Variants in SMYD3 observed in about 807,000 individuals in gnomAD.
The protein encoded by SMYD3 is SET and MYND domain containing 3, also known as histone-lysine N-methyltransferase SMYD3.
A neutral mutation model predicts 57.7 loss-of-function variants in SMYD3; 36 were observed. The ratio of observed to expected loss-of-function variants is 0.62; its 90% CI spans 0.48 to 0.82. SMYD3 has a LOEUF of 0.82. Ranked by LOEUF, SMYD3 falls within the 40% of genes least tolerant of loss-of-function variation. The pLI, the probability that SMYD3 is intolerant of heterozygous loss-of-function variation, is 0.00. For missense variants in SMYD3, 515 were observed against 538.8 expected (o/e 0.96, Z 0.44); for synonymous variants, 211 against 195.0 (o/e 1.08, Z -0.68).
intron 9 of SMYD3, among the ~76,000 whole-genome samples, chr1:245,860,537 A>G (rs1425188987): frequency 6.6e-6 from 1 of 152,194 alleles, no homozygotes; most frequent in African/African-American, 2.4e-5. Flanking sequence ...CTTGATGAGA[A>G]TTTAAAGCAC....
chr1:246,111,453 T>C (rs564003600), intron 5 of SMYD3: 7 of 152,324 alleles, frequency 4.6e-5, no homozygotes, highest in South Asian at 2.1e-4. Context: ...CAGACTTGAG[T>C]GCAGTCTAAA....
At chr1:245,876,167 T>G (rs180950852) in intron 8 of SMYD3, among the ~76,000 whole-genome samples, 1 of 152,184 alleles carries the variant, frequency 6.6e-6, no homozygotes, top group Admixed American at 6.5e-5. Context: ...GAATATGCTT[T>G]AAGGGATACT....
At chr1:245,824,055 C>T (rs1435644456) in intron 10 of SMYD3, among the ~76,000 whole-genome samples, 1 of 152,188 alleles carries the variant, frequency 6.6e-6, no homozygotes, top group Admixed American at 6.5e-5. Flanking sequence ...TCCTCCCCTA[C>T]TCACGACTGG....
chr1:246,067,837 G>C (rs866313050), intron 5 of SMYD3, among the ~76,000 whole-genome samples: 3 of 152,174 alleles, frequency 2.0e-5, no homozygotes, highest in African/African-American at 7.2e-5. Flanking sequence ...TGTGCACCAA[G>C]GCCGGGAGAG....
intron 5 of SMYD3, among the ~76,000 whole-genome samples, chr1:246,073,935 A>G (rs2060500828): frequency 6.6e-6 from 1 of 152,188 alleles, no homozygotes; most frequent in Admixed American, 6.5e-5. Context: ...CTAAGAAGAA[A>G]TCAAGTGTAA....
At chr1:246,219,396 C>T (rs1014793343) in intron 5 of SMYD3, among the ~76,000 whole-genome samples, 5 of 152,048 alleles carry the variant, frequency 3.3e-5, no homozygotes, top group Admixed American at 6.5e-5. Flanking sequence ...CAGAGATGAC[C>T]GCATTTCACA....
intron 5 of SMYD3, among the ~76,000 whole-genome samples, chr1:246,091,277 G>A (rs748036172): frequency 2.0e-5 from 3 of 152,126 alleles, no homozygotes; most frequent in Non-Finnish European, 2.9e-5. Context: ...AGGATTTCTG[G>A]CTGGGGCTAC....
At chr1:245,851,501 G>T (rs1007662911) in intron 10 of SMYD3, among the ~76,000 whole-genome samples, 1 of 152,080 alleles carries the variant, frequency 6.6e-6, no homozygotes, top group East Asian at 1.9e-4. Flanking sequence ...GTCTCCTACC[G>T]GCCAAGGCAT....
At chr1:246,346,571 A>G (rs1558414914) in intron 2 of SMYD3, among the ~76,000 whole-genome samples, 1 of 152,170 alleles carries the variant, frequency 6.6e-6, no homozygotes, top group Non-Finnish European at 1.5e-5. Context: ...CCTTCTTCAT[A>G]TGGCAGCAGG....
intron 5 of SMYD3, among the ~76,000 whole-genome samples, chr1:246,301,651 A>G (rs561081316): frequency 6.6e-6 from 1 of 152,158 alleles, no homozygotes; most frequent in Non-Finnish European, 1.5e-5. Flanking sequence ...CATTTCTGAC[A>G]TCTCCTAAGC....
At chr1:246,106,954 C>T (rs756911022) in intron 5 of SMYD3, among the ~76,000 whole-genome samples, 4 of 151,936 alleles carry the variant, frequency 2.6e-5, no homozygotes, top group Non-Finnish European at 5.9e-5. Flanking sequence ...TTGGTGTGAA[C>T]GTGAAAAAAG....
At chr1:246,189,003 G>T (rs7533294) in intron 5 of SMYD3, 63,609 of 151,208 alleles carry the variant, frequency 0.42, 15,723 homozygotes, top group African/African-American at 0.69. Flanking sequence ...GCCATTGTGT[G>T]TGTTTATGTT....
intron 10 of SMYD3, among the ~76,000 whole-genome samples, chr1:245,838,759 T>C (rs1019070493): frequency 6.6e-6 from 1 of 152,322 alleles, no homozygotes; most frequent in Non-Finnish European, 1.5e-5. Context: ...TAAATGTACA[T>C]CTCAAACTAT....
chr1:246,160,680 G>A (rs1437306047), intron 5 of SMYD3, among the ~76,000 whole-genome samples: 3 of 152,190 alleles, frequency 2.0e-5, no homozygotes, highest in Non-Finnish European at 4.4e-5. Context: ...AACCCCACAT[G>A]ACGTCTCTCA....
At chr1:245,976,957 T>TAGGGAAAGCCATCGTCTCTGGCCC (rs2058449514) in intron 5 of SMYD3, among the ~76,000 whole-genome samples, 1 of 21,252 alleles carries the variant, frequency 4.7e-5, no homozygotes, top group Non-Finnish European at 1.0e-4. Context: ...GTCTCTAGCC[T>TAGGGAAAGCCATCGTCTCTGGCCC]AGGGAAAGCC....
chr1:245,762,278 T>C (rs917333355), intron 11 of SMYD3, among the ~76,000 whole-genome samples: 1 of 152,184 alleles, frequency 6.6e-6, no homozygotes, highest in Non-Finnish European at 1.5e-5. Context: ...TCATGGGGAC[T>C]GAGTATGATC....
At position 246,185,676 on chromosome 1, in the gene SMYD3, T is replaced by C. The variant is rs146976363; in HGVS notation, c.531+141525A>G. Among the ~76,000 whole-genome samples the C allele has an allele frequency of 1.8e-3, 281 of 152,240 alleles. 3 individuals are homozygous for C. The highest frequency in any genetic ancestry group is 6.4e-3 in the African/African-American group (268 of 41,560). ...TGGGGTTTCACCATGTTAGCCAGGA[T>C]GGTCTCGATCTCCTGATTTCGTGAT... On this transcript the variant is annotated intron_variant, in intron 5 of 11. Transcript: ENST00000490107.
At chr1:246,430,803 C>G (rs921661611) in intron 1 of SMYD3, among the ~76,000 whole-genome samples, 1 of 151,896 alleles carries the variant, frequency 6.6e-6, no homozygotes, top group African/African-American at 2.4e-5. Flanking sequence ...CAAAGGAGCC[C>G]AGAGAAATTA....
intron 5 of SMYD3, among the ~76,000 whole-genome samples, chr1:245,991,862 A>T (rs76345410): frequency 3.8e-4 from 4 of 10,470 alleles, no homozygotes; most frequent in Admixed American, 1.2e-3. Context: ...TATTGGCCAC[A>T]CACACCAACT....
Sources: gnomAD v4.1 joint callset for allele counts (sites outside exome capture counted in the v4.1 genomes callset) on GRCh38, gnomAD v4.1.1 for gene constraint, MANE v1.5 for transcripts, NCBI Gene and HGNC (gene_info 2026-07-23, HGNC 2026-07-21) for gene names.